DCLK1: variants seen among roughly 807,000 people sequenced by gnomAD.
The protein encoded by DCLK1 is serine/threonine-protein kinase DCLK1.
In DCLK1, 16 loss-of-function variants were observed where a neutral mutation model predicts 86.2. The observed-to-expected ratio is 0.19, with a 90% CI of 0.13 to 0.28. The LOEUF (loss-of-function observed/expected upper bound fraction) is 0.28, where lower values mean the gene tolerates loss of function less well. DCLK1 is among the 10% of genes least tolerant of loss of function. DCLK1 has a pLI of 1.00. For synonymous variants in DCLK1, 369 were observed against 370.5 expected (o/e 1.00, Z 0.05); for missense variants, 590 against 940.2 (o/e 0.63, Z 4.87).
intron 3 of DCLK1, among the ~76,000 whole-genome samples, chr13:36,007,158 C>CCACT (rs1020126671): frequency 2.6e-5 from 4 of 152,176 alleles, no homozygotes; most frequent in Admixed American, 2.6e-4. Context: ...TGACTGCTCA[C>CCACT]CACTCCTGCT....
intron 4 of DCLK1, among the ~76,000 whole-genome samples, chr13:35,878,246 T>G (rs1454278227): frequency 6.6e-6 from 1 of 152,236 alleles, no homozygotes; most frequent in Non-Finnish European, 1.5e-5. Context: ...AATGTTATGA[T>G]TTTCATACTT....
intron 3 of DCLK1, among the ~76,000 whole-genome samples, chr13:36,055,266 A>C (rs1030993922): frequency 2.0e-5 from 3 of 152,166 alleles, no homozygotes; most frequent in African/African-American, 7.2e-5. Context: ...TTAGTAGAAT[A>C]GCCTTTGAAA....
At chr13:36,083,777 T>C (rs933529585) in intron 3 of DCLK1, among the ~76,000 whole-genome samples, 2 of 152,188 alleles carry the variant, frequency 1.3e-5, no homozygotes, top group Non-Finnish European at 2.9e-5. Flanking sequence ...AGGTGCTTAG[T>C]AGGGGCTTGC....
At chr13:35,971,702 G>C (rs982819293) in intron 3 of DCLK1, among the ~76,000 whole-genome samples, 2 of 151,738 alleles carry the variant, frequency 1.3e-5, no homozygotes, top group African/African-American at 4.8e-5. Flanking sequence ...GGCAGATGTT[G>C]CAGTGAGCCA....
At position 36,096,700 on chromosome 13, in the gene DCLK1, A is replaced by G. The variant is rs116462763; in HGVS notation, c.723+15169T>C. On this transcript the variant is annotated intron_variant, in intron 3 of 16. Coordinates refer to ENST00000360631, the MANE Select transcript of DCLK1 (RefSeq NM_001330071.2). ...CTATGAAATGCAAAAAGATATACAC[A>G]GCTTGAAATATGTTAATATCATGTG... 3.2e-3 allele frequency among the ~76,000 whole-genome samples: 492 copies of G among 152,316 alleles called. 1 individual carries two copies. Among genetic ancestry groups the G allele is most frequent in the African/African-American group, 0.011 (473 of 41,566 alleles).
At chr13:35,852,833 C>T (rs1358594124) in intron 6 of DCLK1, among the ~76,000 whole-genome samples, 3 of 152,224 alleles carry the variant, frequency 2.0e-5, no homozygotes, top group African/African-American at 7.2e-5. Context: ...CTCCCATTTG[C>T]AGCGGGAATT....
chr13:35,954,347 T>C (rs747893031), intron 3 of DCLK1, among the ~76,000 whole-genome samples: 4 of 152,194 alleles, frequency 2.6e-5, no homozygotes, highest in Admixed American at 6.5e-5. Context: ...GGGCTCCTCG[T>C]CCTGCCAAAA....
intron 3 of DCLK1, among the ~76,000 whole-genome samples, chr13:36,045,328 GTGTGTATATATATATA>G (rs1355451817): frequency 6.6e-5 from 3 of 45,232 alleles, no homozygotes; most frequent in African/African-American, 2.1e-4. Flanking sequence ...ATGTGTGTGT[GTGTGTATATATATATA>G]TATATATATA....
At chr13:35,959,780 A>C (rs1197295483) in intron 3 of DCLK1, among the ~76,000 whole-genome samples, 1 of 151,630 alleles carries the variant, frequency 6.6e-6, no homozygotes, top group African/African-American at 2.4e-5. Flanking sequence ...GTAATTTCCA[A>C]AGGCAGGGTA....
At chr13:35,917,834 C>T (rs1434122712) in intron 4 of DCLK1, among the ~76,000 whole-genome samples, 5 of 152,028 alleles carry the variant, frequency 3.3e-5, no homozygotes, top group Non-Finnish European at 5.9e-5. Context: ...GGGAGGCCTC[C>T]AGTGGAGAGG....
rs1349968364 is a variant in DCLK1 at position 35,774,458 on chromosome 13, T to C, written c.*77A>G. ...GAGCGCTAGATAGATCAGATGAAAC[T>C]GTTTTACACAAATTTGGGGGAAAAA... is the stretch of plus-strand genomic sequence containing the variant. On this transcript the variant is annotated 3_prime_UTR_variant, in exon 17 of 17. Coordinates refer to ENST00000360631, the MANE Select transcript of DCLK1 (RefSeq NM_001330071.2). 6.6e-7 allele frequency: 1 copy of C among 1,510,662 alleles called. No homozygotes were observed. Among genetic ancestry groups the C allele is most frequent in the Non-Finnish European group, 8.9e-7 (1 of 1,118,142 alleles). 93.6% of individuals were successfully genotyped at this position (1,510,662 alleles called of 1,614,324 possible). A position where few individuals can be genotyped will look rare whatever the true frequency, so the allele number is the denominator to read the frequency against.
intron 3 of DCLK1, among the ~76,000 whole-genome samples, chr13:36,090,855 T>C (rs1026961262): frequency 6.7e-6 from 1 of 149,990 alleles, no homozygotes; most frequent in Non-Finnish European, 1.5e-5. Flanking sequence ...GCCCCCACCC[T>C]ACCCCACTCC....
rs191284971 is a variant in DCLK1, at chr13:36,083,710, T to C, written c.723+28159A>G. Among the ~76,000 whole-genome samples, 267 of 152,334 alleles carry C rather than the reference T, an allele frequency of 1.8e-3. 5 individuals are homozygous for C. The highest frequency in any genetic ancestry group is 0.017 in the Middle Eastern group (5 of 294). ...TTCCTTGAGTTTTCCCATTCATTTT[T>C]TAAAAATTTCAACAAATATTTATGG... On this transcript the variant is annotated intron_variant, in intron 3 of 16. Transcript: ENST00000360631.
chr13:35,856,823 C>T (rs1414687756), intron 5 of DCLK1, among the ~76,000 whole-genome samples: 3 of 152,170 alleles, frequency 2.0e-5, no homozygotes, highest in Admixed American at 6.5e-5. Context: ...ATATATATTA[C>T]ATCATTTAAC....
intron 4 of DCLK1, among the ~76,000 whole-genome samples, chr13:35,920,501 G>A (rs928867914): frequency 6.6e-6 from 1 of 152,098 alleles, no homozygotes; most frequent in Non-Finnish European, 1.5e-5. Context: ...TTCTCAAGGA[G>A]TTAGGCTTGA....
chr13:35,893,746 C>T (rs1251765959), intron 4 of DCLK1, among the ~76,000 whole-genome samples: 1 of 152,206 alleles, frequency 6.6e-6, no homozygotes, highest in South Asian at 2.1e-4. Context: ...TTCTGTGATG[C>T]TGCTGTGCTG....
At chr13:35,916,835 A>G (rs1165216235) in intron 4 of DCLK1, among the ~76,000 whole-genome samples, 1 of 152,180 alleles carries the variant, frequency 6.6e-6, no homozygotes, top group African/African-American at 2.4e-5. Context: ...AGGTGAGGGC[A>G]TTCAGGAGGC....
chr13:35,933,332 C>T (rs1366383029), intron 4 of DCLK1, among the ~76,000 whole-genome samples: 2 of 152,172 alleles, frequency 1.3e-5, no homozygotes, highest in South Asian at 2.1e-4. Flanking sequence ...CATTCTGGGG[C>T]CTGGAGGACG....
intron 3 of DCLK1, among the ~76,000 whole-genome samples, chr13:36,034,298 T>C (rs1285719015): frequency 6.6e-6 from 1 of 152,204 alleles, no homozygotes; most frequent in East Asian, 1.9e-4. Context: ...GAAATTAAAT[T>C]AGAATTTTAA....
Sources: gnomAD v4.1 joint callset for allele counts (sites outside exome capture counted in the v4.1 genomes callset) on GRCh38, gnomAD v4.1.1 for gene constraint, MANE v1.5 for transcripts, NCBI Gene and HGNC (gene_info 2026-07-23, HGNC 2026-07-21) for gene names.